MCM2: variants seen among roughly 807,000 people sequenced by gnomAD.
MCM2 encodes DNA replication licensing factor MCM2.
Under a neutral mutation model 86.4 loss-of-function variants are expected in MCM2, and 49 were observed. The ratio of observed to expected loss-of-function variants is 0.57; its 90% confidence interval spans 0.45 to 0.72. The LOEUF (loss-of-function observed/expected upper bound fraction) is 0.72, where lower values mean the gene tolerates loss of function less well. Among genes scored for constraint, MCM2 ranks in the 30% least tolerant of loss-of-function variants. The pLI is 0.00. For missense variants in MCM2, 1,038 were observed against 1,259.9 expected (o/e 0.82, Z 2.67); for synonymous variants, 475 against 484.6 (o/e 0.98, Z 0.26).
At chr3:127,620,026 C>T (rs1202168128) in intron 13 of MCM2, among the ~76,000 whole-genome samples, 1 of 152,088 alleles carries the variant, frequency 6.6e-6, no homozygotes, top group East Asian at 1.9e-4. Flanking sequence ...TAATATATAC[C>T]TTAACCATTT....
At position 127,606,865 on chromosome 3, in the gene MCM2, A is replaced by G. The variant is rs2074356033; in HGVS notation, c.1101+48A>G. ...CTGCCAGCTGTCCTTAGGGGTGCCC[A>G]GTATGCAGGACCTGACTGGCCTCTC... On this transcript the variant is annotated intron_variant, in intron 6 of 15. Transcript: ENST00000265056. This position sits in a 1 kb window ranked among gnomAD's most constrained non-coding sequence, Gnocchi z 4.2. The G allele has an allele frequency of 1.3e-6, 2 of 1,581,976 alleles. No homozygotes were observed. The highest frequency in any genetic ancestry group is 1.1e-5 in the South Asian group (1 of 90,412).
In MCM2 at chr3:127,608,936, GGAC is replaced by G; in HGVS notation, c.1342_1344del (p.Asp448del). 4.3e-6 allele frequency: 7 copies of G among 1,614,162 alleles called. No individual in the cohort carries two copies. Among genetic ancestry groups the G allele is most frequent in the Non-Finnish European group, 5.9e-6 (7 of 1,180,030 alleles). On this transcript the variant is annotated inframe_deletion, in exon 8 of 16. Transcript: ENST00000265056. The stretch of plus-strand genomic sequence containing the variant: ...TCCTAGCCAACCACGTGGCCAAGAA[GGAC>G]AACAAGGTTGCTGTAGGGGAACTGA...
chr3:127,601,446 C>G (rs912545549), intron 2 of MCM2, among the ~76,000 whole-genome samples: 1 of 152,208 alleles, frequency 6.6e-6, no homozygotes, highest in Admixed American at 6.5e-5. Flanking sequence ...CTGCAACCTC[C>G]GCCTCCCAGG....
chr3:127,605,212 C>T (rs2074337964), intron 4 of MCM2, 56 bp downstream of exon 4: 2 of 1,582,510 alleles, frequency 1.3e-6, no homozygotes, highest in Non-Finnish European at 1.7e-6. Context: ...TAAATCCTCC[C>T]CAGAAAGTTG....
Position 127,617,472 on chromosome 3 carries a change from G to A in MCM2, c.1900+67G>A. 6.5e-7 allele frequency: 1 copy of A among 1,536,784 alleles called. No homozygotes were observed. The highest frequency in any genetic ancestry group is 2.4e-5 in the East Asian group (1 of 42,122). On this transcript the variant is annotated intron_variant, in intron 11 of 15. Transcript: ENST00000265056. This position sits in a 1 kb window ranked among gnomAD's most constrained non-coding sequence, Gnocchi z 4.1. ...AGGGAGGTCCCGCCTGCTTGAATTG[G>A]GAGCCCACGGGGTCCCCAGGAGCCG... is the stretch of plus-strand genomic sequence containing the variant.
chr3:127,599,422 C>T lies in MCM2; in HGVS notation c.111C>T (p.Ala37=), dbSNP rs747126098. The T allele has an allele frequency of 6.8e-6, 11 of 1,613,876 alleles. No homozygotes were observed. The highest frequency in any genetic ancestry group is 2.2e-5 in the South Asian group (2 of 91,074). The part of the protein sequence containing the change: ...SPGRSSRRTD[A]LTSSPGRDLP... ...GCCGAAGCTCCCGGCGTACTGATGC[C>T]CTCACCTCCAGCCCTGGCCGTGACC... The change falls in exon 2 of 16, where the codon GCC becomes GCT. Residue 37 remains alanine, a synonymous_variant. Coordinates refer to ENST00000265056, the MANE Select transcript of MCM2 (RefSeq NM_004526.4).
At position 127,608,426 on chromosome 3, in the gene MCM2, A is replaced by C. The variant is rs760675228; in HGVS notation, c.1146A>C (p.Pro382=). ...NYQRIRIQES[P]GKVAAGRLPR... ...AGCGTATCCGAATCCAGGAGAGTCC[A>C]GGCAAAGTGGCGGCTGGCCGGCTGC... The change falls in exon 7 of 16, where the codon CCA becomes CCC. Residue 382 remains proline, a synonymous_variant. Transcript: ENST00000265056. 1.1e-5 allele frequency: 18 copies of C among 1,614,142 alleles called. No individual in the cohort carries two copies. In the African/African-American group the frequency reaches 1.9e-4, roughly 17 times the overall value.
At chr3:127,608,575 G>A in intron 7 of MCM2, 59 bp downstream of exon 7, 1 of 1,602,656 alleles carries the variant, frequency 6.2e-7, no homozygotes. Flanking sequence ...GGCAGAAGCA[G>A]TTGTGGCTGG....
At position 127,606,043 on chromosome 3, in the gene MCM2, C is replaced by T; in HGVS notation, c.674-75C>T. 1 of 1,202,306 alleles carries T rather than the reference C, an allele frequency of 8.3e-7. No individual in the cohort carries two copies. Among genetic ancestry groups the T allele is most frequent in the Non-Finnish European group, 1.2e-6 (1 of 817,350 alleles). The allele number at this position is 1,202,306 out of a possible 1,614,324, so 74.5% of individuals were successfully genotyped here. On this transcript the variant is annotated intron_variant, in intron 4 of 15. Transcript: ENST00000265056. This position sits in a 1 kb window ranked among gnomAD's most constrained non-coding sequence, Gnocchi z 4.2. The stretch of plus-strand genomic sequence containing the variant: ...TGGTCGGGGTGGGTAGGCCTTGCTT[C>T]TCACACAGGCATTGTTGCAGCCCAG...
intron 8 of MCM2, among the ~76,000 whole-genome samples, chr3:127,615,457 C>T (rs1174121147): frequency 6.6e-6 from 1 of 152,172 alleles, no homozygotes. Flanking sequence ...CATGAACTGT[C>T]GCATTTGTAC....
intron 8 of MCM2, among the ~76,000 whole-genome samples, chr3:127,610,417 A>C (rs184048043): frequency 1.3e-5 from 2 of 152,264 alleles, no homozygotes; most frequent in East Asian, 3.9e-4. Flanking sequence ...GCTGCAGGTT[A>C]GCTGATTTGT....
At chr3:127,613,741 C>CT (rs1272740999) in intron 8 of MCM2, among the ~76,000 whole-genome samples, 2 of 152,210 alleles carry the variant, frequency 1.3e-5, no homozygotes, top group African/African-American at 4.8e-5. Flanking sequence ...GACCATTTGT[C>CT]TTAGTCCATT....
chr3:127,606,809 A>G lies in MCM2; in HGVS notation c.1093A>G (p.Met365Val). Residue 365 changes from methionine (M) to valine (V), a missense_variant, in exon 6 of 16, where the codon ATG becomes GTG. This residue lies in a region of MCM2 where 399 missense variants were observed against 507.2 expected (regional missense o/e 0.79). Transcript: ENST00000265056. This position sits in a 1 kb window ranked among gnomAD's most constrained non-coding sequence, Gnocchi z 4.2. ...CQSAGPFEVN[M>V]EETIYQNYQR... ...GTCGGCCGGCCCCTTTGAGGTCAAC[A>G]TGGAGGAGGTGAGAGAGGACACAAG... is the stretch of plus-strand genomic sequence containing the variant. 2 of 1,614,166 alleles carry G rather than the reference A, an allele frequency of 1.2e-6. No individual in the cohort carries two copies. The highest frequency in any genetic ancestry group is 1.1e-5 in the South Asian group (1 of 91,090).
At position 127,599,346 on chromosome 3, in the gene MCM2, C is replaced by G. The variant is rs1410210990; in HGVS notation, c.35C>G (p.Ser12Cys). 6.2e-7 allele frequency: 1 copy of G among 1,614,186 alleles called. No homozygotes were observed. ...TCATCGGAATCCTTCACCATGGCATCCAGCCCGGCCCAGCGTCGGCGAGGC... is the reference window on the plus strand; with the variant it reads ...TCATCGGAATCCTTCACCATGGCATGCAGCCCGGCCCAGCGTCGGCGAGGC... ...AESSESFTMA[S>C]SPAQRRRGND... Residue 12 changes from serine (S) to cysteine (C), a missense_variant, in exon 2 of 16, where the codon TCC becomes TGC. By Grantham distance (112) the Ser-to-Cys change is moderately radical. Coordinates refer to ENST00000265056, the MANE Select transcript of MCM2 (RefSeq NM_004526.4).
At chr3:127,605,251 GGGCATAT>G (rs1441703232) in intron 4 of MCM2, 95 bp downstream of exon 4, 3 of 1,495,660 alleles carry the variant, frequency 2.0e-6, no homozygotes, top group Non-Finnish European at 2.7e-6. Flanking sequence ...GTGAAGCACA[GGGCATAT>G]GGCTGAGAGG....
rs375684929 is a variant in MCM2 at position 127,620,813 on chromosome 3, C to G, written c.2381C>G (p.Ala794Gly). 2.4e-5 allele frequency: 39 copies of G among 1,614,064 alleles called. No homozygotes were observed. The African/African-American group carries it at 5.2e-4, about 21-fold the overall frequency. The change falls in exon 14 of 16, where the codon GCC becomes GGC. Residue 794 changes from alanine (A) to glycine (G), a missense_variant. Coordinates refer to ENST00000265056, the MANE Select transcript of MCM2 (RefSeq NM_004526.4). ...DYVIEDDVNM[A>G]IRVMLESFID... ...GTGATCGAAGACGACGTCAACATGG[C>G]CATCCGCGTGATGCTGGAGAGCTTC...
intron 2 of MCM2, chr3:127,604,306 T>G: frequency 1.5e-5 from 5 of 334,224 alleles, no homozygotes; most frequent in Non-Finnish European, 2.8e-5. Context: ...CCATATAGGA[T>G]TTGTCCTTTT....
At chr3:127,619,357 G>A (rs561614926) in intron 13 of MCM2, 79 bp downstream of exon 13, 2 of 1,532,580 alleles carry the variant, frequency 1.3e-6, no homozygotes, top group South Asian at 1.3e-5. Flanking sequence ...TGCAGCGGGG[G>A]TGGTGGTCAG....
chr3:127,613,076 A>G (rs2074410883), intron 8 of MCM2, among the ~76,000 whole-genome samples: 1 of 152,216 alleles, frequency 6.6e-6, no homozygotes, highest in Non-Finnish European at 1.5e-5. Flanking sequence ...CAGTGTAGGC[A>G]TTCACACATT....
Sources: allele counts gnomAD v4.1 joint callset (sites outside exome capture counted in the v4.1 genomes callset), GRCh38; gene constraint gnomAD v4.1.1; regional missense constraint gnomAD v4.1.1; non-coding constraint Gnocchi (gnomAD v3.1); transcripts MANE v1.5; gene names NCBI Gene and HGNC (gene_info 2026-07-23, HGNC 2026-07-21).